CPM: variants seen among roughly 807,000 people sequenced by gnomAD.
CPM encodes the protein carboxypeptidase M, also known as renal carboxypeptidase.
CPM carries 35 observed loss-of-function variants against 46.4 expected under a neutral mutation model. That is an observed-to-expected ratio of 0.75 (90% CI 0.58 to 1.00). The LOEUF (loss-of-function observed/expected upper bound fraction) is 1.00. Among genes scored for constraint, CPM ranks in the 50% least tolerant of loss-of-function variants. CPM has a pLI of 0.00. For missense variants in CPM, 422 were observed against 530.4 expected, an observed-to-expected ratio of 0.80 and a Z score of 2.01; for synonymous variants, 195 against 195.3, an observed-to-expected ratio of 1.00 and a Z score of 0.01.
At chr12:68,865,202 G>T (rs960159080) in intron 7 of CPM, among the ~76,000 whole-genome samples, 2 of 152,116 alleles carry the variant, frequency 1.3e-5, no homozygotes, top group African/African-American at 2.4e-5. Flanking sequence ...AATGAAGAAG[G>T]TGAAAGTCCC....
chr12:68,905,294 T>C (rs1022277521), intron 2 of CPM, among the ~76,000 whole-genome samples: 3 of 151,954 alleles, frequency 2.0e-5, no homozygotes, highest in South Asian at 2.1e-4. Flanking sequence ...CTCTCTCTCT[T>C]TTTTTAAACA....
In CPM at chr12:68,891,696, G is replaced by C. The variant is rs149460890; in HGVS notation, c.161-5807C>G. Among the ~76,000 whole-genome samples, 8 of 152,260 alleles carry C rather than the reference G, an allele frequency of 5.3e-5. No homozygotes were observed. The East Asian group carries it at 1.5e-3, about 29-fold the overall frequency. Reference sequence around the variant, plus strand: ...CTGGATGTGCTGAATGAGAAACTCTGGGGTTGGGGAGCAGTAATCTGTGTT... The same window carrying C: ...CTGGATGTGCTGAATGAGAAACTCTCGGGTTGGGGAGCAGTAATCTGTGTT... On this transcript the variant is annotated intron_variant, in intron 2 of 8. Transcript: ENST00000551568.
At chr12:68,880,703 C>G (rs867366824) in intron 3 of CPM, among the ~76,000 whole-genome samples, 2 of 152,190 alleles carry the variant, frequency 1.3e-5, no homozygotes, top group African/African-American at 4.8e-5. Context: ...ACCTGGGCCC[C>G]CTTCATGGTA....
At chr12:68,867,759 G>C (rs116239895) in intron 6 of CPM, among the ~76,000 whole-genome samples, 7 of 152,262 alleles carry the variant, frequency 4.6e-5, no homozygotes, top group African/African-American at 1.7e-4. Flanking sequence ...TGAACGGCCC[G>C]GCCCCCTGTG....
chr12:68,859,977 A>C (rs941466265), intron 7 of CPM, among the ~76,000 whole-genome samples: 1 of 152,238 alleles, frequency 6.6e-6, no homozygotes, highest in African/African-American at 2.4e-5. Context: ...CTACAATAGT[A>C]AGATGATCTT....
intron 3 of CPM, among the ~76,000 whole-genome samples, chr12:68,874,094 C>T (rs925654995): frequency 2.0e-5 from 3 of 152,082 alleles, no homozygotes; most frequent in Non-Finnish European, 1.5e-5. Flanking sequence ...TGTGAGCCAC[C>T]GCGCCCGGCC....
At chr12:68,908,397 T>C (rs1036067509) in intron 2 of CPM, among the ~76,000 whole-genome samples, 3 of 129,274 alleles carry the variant, frequency 2.3e-5, no homozygotes, top group Non-Finnish European at 4.8e-5. Context: ...AGGACACAGC[T>C]TTTTTTTTTT....
intron 2 of CPM, among the ~76,000 whole-genome samples, chr12:68,925,628 CA>C (rs1240949177): frequency 2.6e-5 from 4 of 152,174 alleles, no homozygotes; most frequent in Admixed American, 6.5e-5. Flanking sequence ...ATATTTGACT[CA>C]GGGGGGTAAA....
chr12:68,940,892 G>A (rs79625651), intron 1 of CPM, among the ~76,000 whole-genome samples: 159 of 152,208 alleles, frequency 1.0e-3, no homozygotes, highest in African/African-American at 3.7e-3. Flanking sequence ...GTACAGTGCA[G>A]TTGTGTTAAC....
chr12:68,910,151 T>C (rs1887534861), intron 2 of CPM, among the ~76,000 whole-genome samples: 1 of 152,170 alleles, frequency 6.6e-6, no homozygotes, highest in Admixed American at 6.5e-5. Flanking sequence ...ACAGTATTTA[T>C]TGCAGCATTC....
At chr12:68,843,264 G>A in intron 5 of CPM, 1 of 226,800 alleles carries the variant, frequency 4.4e-6, no homozygotes, top group East Asian at 6.4e-5. Context: ...GACCTCCAAA[G>A]GTAAAAGTAC....
rs1303588463 is a variant in CPM at position 68,877,275 on chromosome 12, C to T, written c.259-5319G>A. Among the ~76,000 whole-genome samples the T allele has an allele frequency of 3.3e-5, 5 of 152,270 alleles. No individual in the cohort carries two copies. The South Asian group carries it at 8.3e-4, about 25-fold the overall frequency. ...GAAGCCCCGAAGTCAGGGACCTTCA[C>T]GGTTTTTCTCTGTATCCCTGTGTTC... On this transcript the variant is annotated intron_variant, in intron 3 of 8. Coordinates refer to ENST00000551568, the MANE Select transcript of CPM (RefSeq NM_198320.5).
chr12:68,889,892 C>A (rs546018758), intron 2 of CPM, among the ~76,000 whole-genome samples: 1 of 152,254 alleles, frequency 6.6e-6, no homozygotes, highest in Admixed American at 6.5e-5. Flanking sequence ...AAGACATGTA[C>A]CCCTGATCGA....
intron 2 of CPM, among the ~76,000 whole-genome samples, chr12:68,893,149 C>A (rs374170797): frequency 8.2e-4 from 114 of 139,230 alleles, no homozygotes; most frequent in East Asian, 1.3e-3. Flanking sequence ...CAAAAACTGA[C>A]AAAAAAAAAA....
At chr12:68,952,211 A>G (rs761002222) in intron 1 of CPM, among the ~76,000 whole-genome samples, 6 of 152,234 alleles carry the variant, frequency 3.9e-5, no homozygotes, top group Non-Finnish European at 8.8e-5. Flanking sequence ...ATAGAACAGA[A>G]TGCAAATATG....
intron 8 of CPM, among the ~76,000 whole-genome samples, chr12:68,857,854 A>G (rs887449168): frequency 3.3e-5 from 5 of 152,244 alleles, no homozygotes; most frequent in Non-Finnish European, 7.3e-5. Flanking sequence ...ACTACAGGGA[A>G]AATCATATTT....
At chr12:68,859,107 T>A in intron 7 of CPM, 36 bp from the exon 8 acceptor site, 1 of 1,180,542 alleles carries the variant, frequency 8.5e-7, no homozygotes, top group South Asian at 2.4e-5. Flanking sequence ...ATTAATACCA[T>A]ATTTTATGGC....
intron 1 of CPM, among the ~76,000 whole-genome samples, chr12:68,961,929 G>A (rs796417651): frequency 1.3e-5 from 2 of 152,178 alleles, no homozygotes; most frequent in South Asian, 2.1e-4. Context: ...GGCCGGGCGT[G>A]GTGGCTCATG....
chr12:68,850,462 A>G (rs191797160), downstream of CPM: 297 of 152,278 alleles, frequency 2.0e-3, 1 homozygote, highest in African/African-American at 6.7e-3. Flanking sequence ...TAATTTAGCC[A>G]TTTCCTACTC....
Sources: allele counts gnomAD v4.1 joint callset (sites outside exome capture counted in the v4.1 genomes callset), GRCh38; gene constraint gnomAD v4.1.1; transcripts MANE v1.5; gene names NCBI Gene and HGNC (gene_info 2026-07-23, HGNC 2026-07-21).